The following PALS1 variants were observed in gnomAD, a reference collection of about 807,000 sequenced individuals.
The protein encoded by PALS1 is protein associated with LIN7 1, MAGUK p55 family member, also known as protein PALS1.
Under a neutral mutation model 78.9 loss-of-function variants are expected in PALS1, and 31 were observed. The ratio of observed to expected loss-of-function variants is 0.39; its 90% CI spans 0.30 to 0.53. The LOEUF (loss-of-function observed/expected upper bound fraction) is 0.53, where lower values mean the gene tolerates loss of function less well. Among genes scored for constraint, PALS1 ranks in the 20% least tolerant of loss-of-function variants. The pLI is 0.67. For synonymous variants in PALS1, 276 were observed against 270.9 expected (o/e 1.02, Z -0.18); for missense variants, 704 against 826.5 (o/e 0.85, Z 1.82).
intron 14 of PALS1, among the ~76,000 whole-genome samples, chr14:67,324,897 ATTTTTTTTTTTT>A (rs1197663812): frequency 1.3e-5 from 1 of 76,336 alleles, no homozygotes; most frequent in Non-Finnish European, 2.4e-5. Context: ...CCTTCCTTTC[ATTTTTTTTTTTT>A]TTTTTTTTTT....
intron 3 of PALS1, chr14:67,280,099 T>C (rs2140683678): frequency 6.6e-6 from 1 of 152,306 alleles, no homozygotes; most frequent in Admixed American, 6.5e-5. Flanking sequence ...ACCAAAAGAA[T>C]TCTGTGACCA....
chr14:67,243,926 C>T (rs1303036592), intron 1 of PALS1, among the ~76,000 whole-genome samples: 1 of 152,120 alleles, frequency 6.6e-6, no homozygotes, highest in East Asian at 1.9e-4. Context: ...TTAAGTAATC[C>T]GTAGTCTGAC....
Position 67,332,814 on chromosome 14 carries a change from G to A in PALS1, c.1886G>A (p.Arg629Lys), listed in dbSNP as rs146541442. Residue 629 changes from arginine (R) to lysine (K), a missense_variant, in exon 15 of 15, where the codon AGA becomes AAA. Arg to Lys is a conservative substitution (Grantham distance 26). Transcript: ENST00000261681. Reference protein sequence around the residue: ...EELREIIEKTREMEQNNGHYF... With the variant: ...EELREIIEKTKEMEQNNGHYF... ...TTGAGAGAAATCATTGAGAAGACAA[G>A]AGAGATGGAGCAGAACAATGGCCAC... 11 of 1,613,396 alleles carry A rather than the reference G, an allele frequency of 6.8e-6. No homozygotes were observed. In the African/African-American group the frequency reaches 1.5e-4, roughly 22 times the overall value.
intron 8 of PALS1, among the ~76,000 whole-genome samples, chr14:67,304,698 T>C (rs146146244): frequency 1.2e-4 from 19 of 152,332 alleles, no homozygotes; most frequent in Non-Finnish European, 4.4e-5. Flanking sequence ...GGCATAAGTA[T>C]GTTTTAAAAT....
At chr14:67,311,310 C>CAAAA (rs1164347381) in intron 8 of PALS1, among the ~76,000 whole-genome samples, 2 of 63,936 alleles carry the variant, frequency 3.1e-5, no homozygotes, top group East Asian at 3.3e-4. Flanking sequence ...GACTCCGTCT[C>CAAAA]AAAAAAAAAA....
intron 8 of PALS1, among the ~76,000 whole-genome samples, chr14:67,307,156 C>T (rs944441045): frequency 1.3e-5 from 2 of 152,092 alleles, no homozygotes; most frequent in Non-Finnish European, 2.9e-5. Context: ...AGTCTTGGCA[C>T]CTCTGTATTT....
At chr14:67,292,240 C>T (rs1028795280) in intron 3 of PALS1, among the ~76,000 whole-genome samples, 5 of 152,072 alleles carry the variant, frequency 3.3e-5, no homozygotes, top group Admixed American at 6.6e-5. Flanking sequence ...TTTATTTTTG[C>T]ATTCCTCCCC....
At chr14:67,310,606 A>T (rs578065518) in intron 8 of PALS1, among the ~76,000 whole-genome samples, 1 of 152,290 alleles carries the variant, frequency 6.6e-6, no homozygotes, top group East Asian at 1.9e-4. Flanking sequence ...TTTTTTGTGT[A>T]TCAAAAGTTA....
intron 8 of PALS1, among the ~76,000 whole-genome samples, chr14:67,310,821 C>T (rs2085077011): frequency 1.3e-5 from 2 of 151,924 alleles, no homozygotes; most frequent in South Asian, 4.1e-4. Context: ...TTTTAAAAAG[C>T]CATTTATCTG....
chr14:67,276,944 A>G (rs2084515633), intron 2 of PALS1, among the ~76,000 whole-genome samples: 1 of 152,318 alleles, frequency 6.6e-6, no homozygotes, highest in East Asian at 1.9e-4. Flanking sequence ...TATTAGTTAA[A>G]AACACATCAT....
At chr14:67,272,178 T>G (rs1415869294) in intron 2 of PALS1, 1 of 152,214 alleles carries the variant, frequency 6.6e-6, no homozygotes, top group East Asian at 1.9e-4. Context: ...GATTCTCTTA[T>G]TCTATGGAAT....
chr14:67,252,529 G>T (rs570845883), intron 1 of PALS1, among the ~76,000 whole-genome samples: 2 of 152,296 alleles, frequency 1.3e-5, no homozygotes, highest in African/African-American at 4.8e-5. Context: ...AAGTACAGGA[G>T]GCCCAAAACT....
chr14:67,269,472 C>G (rs1051695978), intron 1 of PALS1, among the ~76,000 whole-genome samples: 10 of 152,050 alleles, frequency 6.6e-5, no homozygotes, highest in Non-Finnish European at 7.4e-5. Flanking sequence ...TGGAAAGTTT[C>G]CATTTGACAT....
intron 2 of PALS1, among the ~76,000 whole-genome samples, chr14:67,278,108 C>G (rs2084535695): frequency 6.6e-6 from 1 of 150,892 alleles, no homozygotes; most frequent in Non-Finnish European, 1.5e-5. Flanking sequence ...GTGATCTCAG[C>G]TCACTGCGGC....
chr14:67,310,972 G>C (rs1008329358), intron 8 of PALS1, among the ~76,000 whole-genome samples: 1 of 152,106 alleles, frequency 6.6e-6, no homozygotes, highest in Admixed American at 6.5e-5. Context: ...GGGTAGACTG[G>C]TATTACTTTT....
chr14:67,327,381 C>T (rs557264068), intron 14 of PALS1, among the ~76,000 whole-genome samples: 1 of 151,154 alleles, frequency 6.6e-6, no homozygotes, highest in South Asian at 2.1e-4. Context: ...AGGCGGGGTA[C>T]AGTGGCTCAC....
chr14:67,276,734 G>A (rs1383940579), intron 2 of PALS1, among the ~76,000 whole-genome samples: 1 of 152,186 alleles, frequency 6.6e-6, no homozygotes, highest in East Asian at 1.9e-4. Flanking sequence ...TTACTACCAG[G>A]TTATAGAAAT....
intron 2 of PALS1, among the ~76,000 whole-genome samples, chr14:67,273,968 T>G (rs1163196087): frequency 1.3e-5 from 2 of 152,178 alleles, no homozygotes; most frequent in African/African-American, 4.8e-5. Context: ...TTGATGGGGT[T>G]GTTTGATTTT....
At chr14:67,248,495 C>T (rs1011326085) in intron 1 of PALS1, among the ~76,000 whole-genome samples, 1 of 152,098 alleles carries the variant, frequency 6.6e-6, no homozygotes, top group Non-Finnish European at 1.5e-5. Flanking sequence ...TATGATATAA[C>T]ATTATAAAAA....
Sources: gnomAD v4.1 joint callset for allele counts (sites outside exome capture counted in the v4.1 genomes callset) on GRCh38, gnomAD v4.1.1 for gene constraint, MANE v1.5 for transcripts, NCBI Gene and HGNC (gene_info 2026-07-23, HGNC 2026-07-21) for gene names.